The following GPC5 variants were observed in gnomAD, a reference collection of about 807,000 sequenced individuals.
GPC5 encodes glypican-5.
A neutral mutation model predicts 53.9 loss-of-function variants in GPC5; 47 were observed. The observed-to-expected ratio is 0.87, with a 90% CI of 0.69 to 1.11. GPC5 has a LOEUF of 1.11. Ranked by LOEUF, GPC5 falls within the 50% of genes most tolerant of loss-of-function variation. The pLI is 0.00. For missense variants in GPC5, 748 were observed against 713.1 expected, an observed-to-expected ratio of 1.05 and a Z score of -0.56; for synonymous variants, 286 against 263.3, an observed-to-expected ratio of 1.09 and a Z score of -0.84.
chr13:92,682,466 G>A (rs1887140675), intron 7 of GPC5, among the ~76,000 whole-genome samples: 2 of 152,146 alleles, frequency 1.3e-5, no homozygotes, highest in African/African-American at 2.4e-5. Flanking sequence ...TGGAGCACAT[G>A]TTATTATAAT....
intron 7 of GPC5, among the ~76,000 whole-genome samples, chr13:92,598,596 A>C (rs1158683441): frequency 1.3e-5 from 2 of 152,196 alleles, no homozygotes; most frequent in African/African-American, 4.8e-5. Context: ...ACATGAATTT[A>C]CTGTTTGTTT....
chr13:91,932,381 C>T (rs989953963), intron 6 of GPC5, among the ~76,000 whole-genome samples: 2 of 152,002 alleles, frequency 1.3e-5, no homozygotes, highest in African/African-American at 4.8e-5. Context: ...GCAGACAGTG[C>T]TTTGTTCTTA....
chr13:92,679,710 G>C (rs1251826717), intron 7 of GPC5, among the ~76,000 whole-genome samples: 1 of 152,014 alleles, frequency 6.6e-6, no homozygotes, highest in Non-Finnish European at 1.5e-5. Context: ...TTTTCATCAT[G>C]GTTCATCAGC....
chr13:92,784,352 T>C (rs1489690818), intron 7 of GPC5, among the ~76,000 whole-genome samples: 1 of 152,138 alleles, frequency 6.6e-6, no homozygotes, highest in Admixed American at 6.5e-5. Flanking sequence ...TTGAATAAAG[T>C]TTATAAAAGA....
At chr13:92,132,636 A>G (rs1351725632) in intron 6 of GPC5, among the ~76,000 whole-genome samples, 1 of 151,790 alleles carries the variant, frequency 6.6e-6, no homozygotes, top group Non-Finnish European at 1.5e-5. Flanking sequence ...TCTGTGTTCA[A>G]TTTTCCCCTT....
chr13:91,570,981 GT>G (rs2031755324), intron 2 of GPC5, among the ~76,000 whole-genome samples: 1 of 152,028 alleles, frequency 6.6e-6, no homozygotes, highest in African/African-American at 2.4e-5. Context: ...TGCCTCAGTA[GT>G]TTTTTGTTTT....
chr13:92,162,901 T>C (rs549435204), intron 7 of GPC5, among the ~76,000 whole-genome samples: 9 of 152,184 alleles, frequency 5.9e-5, no homozygotes, highest in Middle Eastern at 3.4e-3. Flanking sequence ...GTGTGTGTGT[T>C]TATAAAATTA....
At chr13:92,141,576 C>A (rs945003587) in intron 6 of GPC5, among the ~76,000 whole-genome samples, 2 of 152,026 alleles carry the variant, frequency 1.3e-5, no homozygotes, top group African/African-American at 4.8e-5. Flanking sequence ...TAAATGTGGC[C>A]CATTTGAGGG....
At chr13:91,548,410 T>G (rs1442692078) in intron 2 of GPC5, among the ~76,000 whole-genome samples, 3 of 152,130 alleles carry the variant, frequency 2.0e-5, no homozygotes, top group Non-Finnish European at 2.9e-5. Context: ...TAACAAAATA[T>G]GTACAGCTCT....
intron 7 of GPC5, among the ~76,000 whole-genome samples, chr13:92,841,531 T>TC (rs1332768718): frequency 6.6e-6 from 1 of 152,122 alleles, no homozygotes; most frequent in East Asian, 1.9e-4. Flanking sequence ...TAATTCTGAC[T>TC]CCAAGATAGC....
At chr13:92,589,665 A>G (rs1232355868) in intron 7 of GPC5, among the ~76,000 whole-genome samples, 1 of 152,200 alleles carries the variant, frequency 6.6e-6, no homozygotes, top group Non-Finnish European at 1.5e-5. Flanking sequence ...TTCCATAAAC[A>G]GTTTCATTGT....
intron 7 of GPC5, among the ~76,000 whole-genome samples, chr13:92,814,311 A>C (rs1877389704): frequency 6.6e-6 from 1 of 151,910 alleles, no homozygotes; most frequent in African/African-American, 2.4e-5. Context: ...TTAGGCAAAG[A>C]CTTCTTAGAT....
At chr13:92,009,385 C>T (rs2040640208) in intron 6 of GPC5, among the ~76,000 whole-genome samples, 2 of 151,380 alleles carry the variant, frequency 1.3e-5, no homozygotes, top group East Asian at 2.0e-4. Context: ...TTGTGGGGGT[C>T]TTGAATAGCC....
chr13:92,723,405 C>T (rs1888555749), intron 7 of GPC5, among the ~76,000 whole-genome samples: 1 of 68,352 alleles, frequency 1.5e-5, no homozygotes, highest in African/African-American at 8.6e-5. Flanking sequence ...ATTTTTGCCA[C>T]TGAAAATCAT....
intron 2 of GPC5, among the ~76,000 whole-genome samples, chr13:91,654,559 C>T (rs903933269): frequency 1.3e-4 from 20 of 152,108 alleles, no homozygotes; most frequent in Middle Eastern, 3.4e-3. Context: ...CATGCATACA[C>T]GATGTCAGGA....
intron 2 of GPC5, among the ~76,000 whole-genome samples, chr13:91,603,296 C>A (rs1594317199): frequency 6.6e-6 from 1 of 152,244 alleles, no homozygotes; most frequent in African/African-American, 2.4e-5. Flanking sequence ...GTGCTGCCAG[C>A]AGCTTGGCAT....
intron 7 of GPC5, among the ~76,000 whole-genome samples, chr13:92,452,873 AC>A (rs1878121166): frequency 6.6e-6 from 1 of 152,034 alleles, no homozygotes; most frequent in East Asian, 1.9e-4. Context: ...CCGTCAGATT[AC>A]TCTTATTTTT....
intron 6 of GPC5, among the ~76,000 whole-genome samples, chr13:92,091,193 G>A (rs902812880): frequency 2.6e-5 from 4 of 152,158 alleles, no homozygotes; most frequent in African/African-American, 4.8e-5. Context: ...GGCACCATAA[G>A]AAGGCCCCAT....
rs567478017 is a variant in GPC5, at chr13:92,547,819, CTTTTTT to C, written c.1562-318444_1562-318439del. ...AAGAAAACTTATTATGCCTATTATT[CTTTTTT>C]TTTTTTTTTTTTTTTTTTCTTTTTG... is the stretch of plus-strand genomic sequence containing the variant. On this transcript the variant is annotated intron_variant, in intron 7 of 7. Transcript: ENST00000377067. Among the ~76,000 whole-genome samples the C allele has an allele frequency of 1.8e-3, 182 of 100,424 alleles. 1 individual carries two copies. The highest frequency in any genetic ancestry group is 2.2e-3 in the Non-Finnish European group (117 of 54,090). 65.9% of individuals were successfully genotyped at this position (100,424 alleles called of 152,430 possible). A position where few individuals can be genotyped will look rare whatever the true frequency, so the allele number is the denominator to read the frequency against.
Sources: gnomAD v4.1 joint callset for allele counts (sites outside exome capture counted in the v4.1 genomes callset) on GRCh38, gnomAD v4.1.1 for gene constraint, MANE v1.5 for transcripts, NCBI Gene and HGNC (gene_info 2026-07-23, HGNC 2026-07-21) for gene names.